WWOX: variants seen among roughly 807,000 people sequenced by gnomAD.
WWOX encodes the protein WW domain containing oxidoreductase, also known as WW domain-containing oxidoreductase.
A neutral mutation model predicts 46.2 loss-of-function variants in WWOX; 69 were observed. That is an observed-to-expected ratio of 1.49 (90% CI 1.23 to 1.82). The LOEUF (loss-of-function observed/expected upper bound fraction) is 1.82, where lower values mean the gene tolerates loss of function less well. Ranked by LOEUF, WWOX falls within the 40% of genes most tolerant of loss-of-function variation. The probability of loss-of-function intolerance (pLI) is 0.00; values close to 1 mark genes in which losing one functional copy is unlikely to be tolerated. For synonymous variants in WWOX, 359 were observed against 202.6 expected (o/e 1.77, Z -6.56); for missense variants, 919 against 542.6 (o/e 1.69, Z -6.89).
At chr16:78,310,437 T>G (rs1300767642) in intron 5 of WWOX, among the ~76,000 whole-genome samples, 1 of 152,222 alleles carries the variant, frequency 6.6e-6, no homozygotes, top group East Asian at 1.9e-4. Context: ...CTTGGGAAGC[T>G]AATTTGTTTT....
At chr16:78,556,333 C>G (rs2044296414) in intron 8 of WWOX, among the ~76,000 whole-genome samples, 1 of 151,656 alleles carries the variant, frequency 6.6e-6, no homozygotes, top group Non-Finnish European at 1.5e-5. Context: ...GCTTGGCTTG[C>G]TGGCTGTCAG....
intron 8 of WWOX, among the ~76,000 whole-genome samples, chr16:79,173,475 C>A (rs2050741110): frequency 6.6e-6 from 1 of 152,168 alleles, no homozygotes; most frequent in South Asian, 2.1e-4. Context: ...CACTGTGGTT[C>A]TAAGCAAGCA....
rs1453257926 is a variant in WWOX, at chr16:79,212,145, T to A, written c.*349T>A. 1 of 1,517,026 alleles carries A rather than the reference T, an allele frequency of 6.6e-7. No individual in the cohort carries two copies. The allele number at this position is 1,517,026 out of a possible 1,614,324, so 94.0% of individuals were successfully genotyped here. On this transcript the variant is annotated 3_prime_UTR_variant, in exon 9 of 9. Coordinates refer to ENST00000566780, the MANE Select transcript of WWOX (RefSeq NM_016373.4). Reference sequence around the variant, plus strand: ...TATAGAATAGCCTGAGGTCCCCTCGTCCCATCCAGCTACCACCACGGCCAC... The same window carrying A: ...TATAGAATAGCCTGAGGTCCCCTCGACCCATCCAGCTACCACCACGGCCAC...
intron 8 of WWOX, among the ~76,000 whole-genome samples, chr16:78,723,342 C>G (rs994360578): frequency 2.0e-5 from 3 of 152,082 alleles, no homozygotes; most frequent in Non-Finnish European, 4.4e-5. Flanking sequence ...GTCAACGTGG[C>G]TTTTGCTAAA....
At chr16:78,416,473 A>G (rs2082799738) in intron 6 of WWOX, among the ~76,000 whole-genome samples, 1 of 152,144 alleles carries the variant, frequency 6.6e-6, no homozygotes, top group Non-Finnish European at 1.5e-5. Flanking sequence ...TTGCCTCTGG[A>G]GTTGTGCAAT....
chr16:78,227,376 A>G (rs1037427600), intron 5 of WWOX, among the ~76,000 whole-genome samples: 12 of 152,210 alleles, frequency 7.9e-5, no homozygotes, highest in Non-Finnish European at 1.5e-5. Flanking sequence ...CATAGGATGT[A>G]GTTCCTTTCC....
chr16:78,274,284 C>A (rs1039952330), intron 5 of WWOX, among the ~76,000 whole-genome samples: 1 of 152,196 alleles, frequency 6.6e-6, no homozygotes, highest in African/African-American at 2.4e-5. Flanking sequence ...AAGATTCCAT[C>A]TGACAAGAAT....
intron 5 of WWOX, among the ~76,000 whole-genome samples, chr16:78,357,978 G>T (rs2081333325): frequency 6.6e-6 from 1 of 152,160 alleles, no homozygotes; most frequent in Non-Finnish European, 1.5e-5. Context: ...TACAACTGGG[G>T]ACCTGTTGCC....
chr16:79,182,563 G>A (rs1410338257), intron 8 of WWOX, among the ~76,000 whole-genome samples: 2 of 152,046 alleles, frequency 1.3e-5, no homozygotes, highest in Non-Finnish European at 2.9e-5. Context: ...GGGGTTGGTG[G>A]GGTTATTTGT....
intron 8 of WWOX, among the ~76,000 whole-genome samples, chr16:78,730,698 G>A (rs961247317): frequency 5.4e-5 from 8 of 149,278 alleles, no homozygotes; most frequent in African/African-American, 1.5e-4. Flanking sequence ...GGGCTCAAGC[G>A]ATACTCCCTC....
intron 8 of WWOX, among the ~76,000 whole-genome samples, chr16:79,014,242 G>C (rs984138867): frequency 1.3e-5 from 2 of 152,150 alleles, no homozygotes; most frequent in African/African-American, 4.8e-5. Flanking sequence ...TAGTGGTTAG[G>C]GTGGTTATGA....
At chr16:79,202,276 T>A (rs2051369945) in intron 8 of WWOX, among the ~76,000 whole-genome samples, 1 of 152,172 alleles carries the variant, frequency 6.6e-6, no homozygotes, top group African/African-American at 2.4e-5. Flanking sequence ...TTAGTAGTGT[T>A]GTCACTTTTG....
At chr16:78,295,652 A>T (rs964355907) in intron 5 of WWOX, among the ~76,000 whole-genome samples, 8 of 152,226 alleles carry the variant, frequency 5.3e-5, no homozygotes, top group African/African-American at 1.9e-4. Context: ...TGGTGGTTGC[A>T]GTGAGCCAAG....
intron 8 of WWOX, chr16:78,899,116 A>C (rs1377783070): frequency 6.6e-6 from 1 of 152,038 alleles, no homozygotes; most frequent in East Asian, 1.9e-4. Context: ...TATAGCCTGT[A>C]GGACAGTGTT....
chr16:78,465,873 T>G (rs1272897792), intron 8 of WWOX, among the ~76,000 whole-genome samples: 1 of 152,204 alleles, frequency 6.6e-6, no homozygotes, highest in Non-Finnish European at 1.5e-5. Context: ...TAAAAGAGAC[T>G]AACACATTAA....
At chr16:78,452,245 C>G (rs1310791544) in intron 8 of WWOX, among the ~76,000 whole-genome samples, 1 of 152,082 alleles carries the variant, frequency 6.6e-6, no homozygotes, top group Admixed American at 6.6e-5. Context: ...TGCGTAACAC[C>G]CTTTGAACAA....
At chr16:78,519,280 A>C (rs1027075738) in intron 8 of WWOX, among the ~76,000 whole-genome samples, 3 of 152,214 alleles carry the variant, frequency 2.0e-5, no homozygotes, top group Admixed American at 6.5e-5. Flanking sequence ...AATGAGGGCC[A>C]CAGAGCTTGC....
intron 8 of WWOX, among the ~76,000 whole-genome samples, chr16:78,656,223 C>G (rs1475905772): frequency 6.6e-6 from 1 of 152,054 alleles, no homozygotes; most frequent in Non-Finnish European, 1.5e-5. Flanking sequence ...CTCTCTGTGC[C>G]TCAGTCTCCC....
intron 8 of WWOX, among the ~76,000 whole-genome samples, chr16:78,645,803 G>C (rs1191886933): frequency 2.0e-5 from 3 of 152,076 alleles, no homozygotes; most frequent in Non-Finnish European, 2.9e-5. Flanking sequence ...ACTATAGCAG[G>C]GTCTCCTTGG....
Sources: allele counts gnomAD v4.1 joint callset (sites outside exome capture counted in the v4.1 genomes callset), GRCh38; gene constraint gnomAD v4.1.1; transcripts MANE v1.5; gene names NCBI Gene and HGNC (gene_info 2026-07-23, HGNC 2026-07-21).